The following OR51B5 variants were observed in gnomAD, a reference collection of about 807,000 sequenced individuals.
OR51B5 encodes olfactory receptor family 51 subfamily B member 5.
For missense variants in OR51B5, 456 were observed against 374.6 expected (o/e 1.22, Z -1.79); for synonymous variants, 186 against 144.8 (o/e 1.28, Z -2.04).
exon 1 of OR51B5, chr11:5,342,617 TGAA>T (rs1482785913): frequency 2.9e-5 from 47 of 1,601,188 alleles, no homozygotes; most frequent in Non-Finnish European, 3.8e-5. Flanking sequence ...AGTAAAAAGG[TGAA>T]GAATGGCATT....
chr11:5,348,293 G>A (rs1268852038), upstream of OR51B5, among the ~76,000 whole-genome samples: 4 of 152,150 alleles, frequency 2.6e-5, no homozygotes, highest in South Asian at 4.2e-4. Flanking sequence ...ATGAATTATG[G>A]GGTTGTAGTA....
chr11:5,381,831 A>G (rs1849612743), intron 1 of OR51B5, among the ~76,000 whole-genome samples: 1 of 152,244 alleles, frequency 6.6e-6, no homozygotes, highest in Admixed American at 6.5e-5. Context: ...CTTCAATTAT[A>G]TAATTCAGAG....
chr11:5,438,196 A>G (rs2133773476), intron 1 of OR51B5, among the ~76,000 whole-genome samples: 1 of 152,260 alleles, frequency 6.6e-6, no homozygotes, highest in East Asian at 1.9e-4. Flanking sequence ...GGGCTTTGAG[A>G]AGTCATGATG....
intron 1 of OR51B5, among the ~76,000 whole-genome samples, chr11:5,475,260 A>G (rs1405046588): frequency 6.6e-5 from 10 of 151,988 alleles, no homozygotes; most frequent in Admixed American, 5.2e-4. Flanking sequence ...AAATCCGAAC[A>G]CTCATATTGC....
At chr11:5,472,200 C>T (rs1278774096) in intron 1 of OR51B5, among the ~76,000 whole-genome samples, 1 of 152,108 alleles carries the variant, frequency 6.6e-6, no homozygotes, top group Non-Finnish European at 1.5e-5. Context: ...GCAGTTCAGG[C>T]ACCAACTAGA....
intron 1 of OR51B5, among the ~76,000 whole-genome samples, chr11:5,438,958 GA>G (rs1850632050): frequency 1.3e-5 from 2 of 152,188 alleles, no homozygotes; most frequent in Admixed American, 1.3e-4. Context: ...CTGCAGAAAA[GA>G]AAAAGAGTTA....
At chr11:5,440,225 A>C (rs1217188308) in intron 1 of OR51B5, among the ~76,000 whole-genome samples, 1 of 152,154 alleles carries the variant, frequency 6.6e-6, no homozygotes, top group Non-Finnish European at 1.5e-5. Context: ...TTTTTGATAA[A>C]TTCTGTTTGC....
At chr11:5,421,403 A>G (rs1850334669) in intron 1 of OR51B5, among the ~76,000 whole-genome samples, 1 of 152,266 alleles carries the variant, frequency 6.6e-6, no homozygotes, top group Non-Finnish European at 1.5e-5. Context: ...AGAAAAGGGC[A>G]CATGACTTGT....
At position 5,434,937 on chromosome 11, in the gene OR51B5, G is replaced by A. The variant is rs1807998644; in HGVS notation, n.84+70632C>T. Among the ~76,000 whole-genome samples, 3 of 152,222 alleles carry A rather than the reference G, an allele frequency of 2.0e-5. 1 individual carries two copies. The South Asian group carries it at 6.2e-4, about 32-fold the overall frequency. ...TAAATGAGAAAAATGGGAAGATGCT[G>A]GAGAAGTCGGTTATCTTTATTTTTC... On this transcript the variant is annotated intron_variant and non_coding_transcript_variant, in intron 1 of 4. Transcript: ENST00000415970.
intron 1 of OR51B5, among the ~76,000 whole-genome samples, chr11:5,474,658 A>C (rs1001993029): frequency 6.6e-6 from 1 of 152,204 alleles, no homozygotes; most frequent in Non-Finnish European, 1.5e-5. Context: ...TTGACAAGAT[A>C]ATTTGTGCCA....
chr11:5,489,053 C>G (rs779417110), intron 1 of OR51B5: 5 of 1,614,016 alleles, frequency 3.1e-6, no homozygotes, highest in Non-Finnish European at 4.2e-6. Context: ...CTGGAGTCCT[C>G]AATTCTACTT....
intron 1 of OR51B5, among the ~76,000 whole-genome samples, chr11:5,425,567 GAT>G (rs1460403359): frequency 1.3e-5 from 2 of 152,124 alleles, no homozygotes; most frequent in Non-Finnish European, 2.9e-5. Flanking sequence ...AAAACATCAT[GAT>G]ATGTTTAGAT....
intron 1 of OR51B5, among the ~76,000 whole-genome samples, chr11:5,450,401 GAATT>G (rs201113534): frequency 0.023 from 3,498 of 151,974 alleles, 60 homozygotes; most frequent in Non-Finnish European, 0.036. Context: ...ATAAATAAAT[GAATT>G]AATTAATTAA....
intron 1 of OR51B5, among the ~76,000 whole-genome samples, chr11:5,372,949 G>T (rs1689263093): frequency 1.3e-5 from 2 of 152,164 alleles, no homozygotes; most frequent in African/African-American, 4.8e-5. Context: ...AACCAAAAAA[G>T]TATGGTACTA....
At chr11:5,371,883 C>A (rs111859363) in intron 1 of OR51B5, among the ~76,000 whole-genome samples, 8,677 of 152,148 alleles carry the variant, frequency 0.057, 293 homozygotes, top group South Asian at 0.096. Flanking sequence ...AAGTTTATAA[C>A]CTTTGACCTA....
At chr11:5,370,421 A>G (rs2133706212) in intron 1 of OR51B5, among the ~76,000 whole-genome samples, 1 of 152,334 alleles carries the variant, frequency 6.6e-6, no homozygotes, top group East Asian at 1.9e-4. Flanking sequence ...AGGGAAAATT[A>G]AATTCAAATC....
upstream of OR51B5, among the ~76,000 whole-genome samples, chr11:5,347,700 T>G (rs1360047769): frequency 6.6e-6 from 1 of 151,956 alleles, no homozygotes; most frequent in African/African-American, 2.4e-5. Context: ...TCTTGAGTTG[T>G]GCTGTTCAAA....
intron 1 of OR51B5, among the ~76,000 whole-genome samples, chr11:5,433,652 C>A (rs779980892): frequency 4.6e-5 from 7 of 152,026 alleles, no homozygotes; most frequent in Non-Finnish European, 8.8e-5. Context: ...ATAGCAAGGC[C>A]CCATCTGTAC....
chr11:5,440,843 C>T (rs758413225), intron 1 of OR51B5: 34 of 1,613,692 alleles, frequency 2.1e-5, no homozygotes, highest in African/African-American at 2.7e-5. Flanking sequence ...GCATGGCTCT[C>T]AGGATCAATG....
Sources: gnomAD v4.1 joint callset for allele counts (sites outside exome capture counted in the v4.1 genomes callset) on GRCh38, gnomAD v4.1.1 for gene constraint, MANE v1.5 for transcripts, NCBI Gene and HGNC (gene_info 2026-07-23, HGNC 2026-07-21) for gene names.